CEP128: variants seen among roughly 807,000 people sequenced by gnomAD.
The protein encoded by CEP128 is centrosomal protein 128.
CEP128 carries 132 observed loss-of-function variants against 156.7 expected under a neutral mutation model. That is an observed-to-expected ratio of 0.84 (90% confidence interval 0.73 to 0.97). The LOEUF is 0.97. Among genes scored for constraint, CEP128 ranks in the 50% least tolerant of loss-of-function variants. The pLI is 0.00. For synonymous variants in CEP128, 469 were observed against 448.9 expected (o/e 1.04, Z -0.57); for missense variants, 1,252 against 1,281.9 (o/e 0.98, Z 0.36).
At chr14:80,574,017 G>A (rs1291490530) in intron 20 of CEP128, among the ~76,000 whole-genome samples, 3 of 152,130 alleles carry the variant, frequency 2.0e-5, no homozygotes, top group African/African-American at 7.2e-5. Flanking sequence ...GAATACGTGG[G>A]TATGCATTAC....
At chr14:80,534,820 G>A (rs1251114731) in intron 21 of CEP128, among the ~76,000 whole-genome samples, 5 of 73,344 alleles carry the variant, frequency 6.8e-5, no homozygotes, top group African/African-American at 2.4e-4. Flanking sequence ...GCAAGATTCC[G>A]TCTCAAAAAA....
At chr14:80,568,706 G>C (rs1204039277) in intron 20 of CEP128, among the ~76,000 whole-genome samples, 1 of 152,140 alleles carries the variant, frequency 6.6e-6, no homozygotes, top group African/African-American at 2.4e-5. Context: ...ACACACACGC[G>C]CAGGTAAGAA....
intron 16 of CEP128, among the ~76,000 whole-genome samples, chr14:80,767,917 T>C (rs936417062): frequency 6.6e-6 from 1 of 152,128 alleles, no homozygotes; most frequent in African/African-American, 2.4e-5. Context: ...TCTATGTCTG[T>C]CTCCTCATCA....
chr14:80,487,560 C>A (rs1005819084), downstream of CEP128, among the ~76,000 whole-genome samples: 2 of 152,168 alleles, frequency 1.3e-5, no homozygotes, highest in African/African-American at 4.8e-5. Flanking sequence ...CACCCCAAAT[C>A]AACAGAATAT....
intron 19 of CEP128, among the ~76,000 whole-genome samples, chr14:80,680,439 G>T (rs1896273969): frequency 6.6e-6 from 1 of 152,058 alleles, no homozygotes; most frequent in African/African-American, 2.4e-5. Flanking sequence ...AGATCTCCAG[G>T]TATTCAGAGT....
downstream of CEP128, among the ~76,000 whole-genome samples, chr14:80,495,732 G>A (rs928191585): frequency 3.3e-5 from 5 of 151,958 alleles, no homozygotes; most frequent in Admixed American, 6.6e-5. Flanking sequence ...TGAAGAGAAT[G>A]GATGCATGAA....
rs777201166 is a variant in CEP128, at chr14:80,504,919, G to C, written c.3174C>G (p.Tyr1058Ter). 2 of 1,440,080 alleles carry C rather than the reference G, an allele frequency of 1.4e-6. No individual in the cohort carries two copies. The highest frequency in any genetic ancestry group is 3.7e-5 in the Admixed American group (2 of 54,762). The allele number at this position is 1,440,080 out of a possible 1,614,324, so 89.2% of individuals were successfully genotyped here. A position where few individuals can be genotyped will look rare whatever the true frequency, so the allele number is the denominator to read the frequency against. The stretch of plus-strand genomic sequence containing the variant: ...CAAGACTTCATTACTTACAGTTCAC[G>C]TATGAAAATCTTGGACTAGACAGGA... ...SRFLSSPRFS[Y>*]VNSFTKRTVA... is the part of the protein sequence containing the mutation. Residue 1058 changes from tyrosine (Y) to a stop codon, truncating the protein, a stop_gained, in exon 24 of 25, where the codon TAC (tyrosine) becomes TAG (stop). Transcript: ENST00000555265. LOFTEE classifies it high-confidence loss of function.
chr14:80,920,876 G>C (rs1884823370), intron 2 of CEP128, among the ~76,000 whole-genome samples: 1 of 152,126 alleles, frequency 6.6e-6, no homozygotes, highest in African/African-American at 2.4e-5. Context: ...CAGGTAATAA[G>C]TATCAAGAAG....
chr14:80,816,310 A>C (rs1884854411), intron 13 of CEP128, among the ~76,000 whole-genome samples: 1 of 152,108 alleles, frequency 6.6e-6, no homozygotes, highest in Non-Finnish European at 1.5e-5. Flanking sequence ...ATTCACCCAC[A>C]GAGCGGCAGG....
chr14:80,850,243 AACAG>A (rs1886821135), intron 9 of CEP128, among the ~76,000 whole-genome samples: 1 of 152,214 alleles, frequency 6.6e-6, no homozygotes, highest in Non-Finnish European at 1.5e-5. Flanking sequence ...AATTTGTAAT[AACAG>A]ACAGTTAATT....
At chr14:80,525,935 G>A (rs1888954760) in intron 23 of CEP128, among the ~76,000 whole-genome samples, 1 of 152,064 alleles carries the variant, frequency 6.6e-6, no homozygotes, top group South Asian at 2.1e-4. Flanking sequence ...TATATACAGT[G>A]TAATGAATAT....
intron 2 of CEP128, chr14:80,957,928 C>T (rs1461835755): frequency 6.6e-6 from 1 of 152,016 alleles, no homozygotes; most frequent in Non-Finnish European, 1.5e-5. Context: ...GGAGGATCTG[C>T]CCTTGAGAAT....
At chr14:80,836,826 T>C (rs1472263606) in intron 11 of CEP128, among the ~76,000 whole-genome samples, 1 of 152,200 alleles carries the variant, frequency 6.6e-6, no homozygotes, top group Non-Finnish European at 1.5e-5. Context: ...TTTGTTTATC[T>C]TTCTATCCTT....
chr14:80,770,171 C>T (rs555488429), intron 16 of CEP128, among the ~76,000 whole-genome samples: 2 of 152,322 alleles, frequency 1.3e-5, no homozygotes, highest in Admixed American at 6.5e-5. Flanking sequence ...TCAATCAAGT[C>T]CAAGTCAGGA....
chr14:80,639,144 C>T (rs923086265), intron 19 of CEP128, among the ~76,000 whole-genome samples: 5 of 152,036 alleles, frequency 3.3e-5, no homozygotes, highest in Middle Eastern at 3.2e-3. Context: ...ATATTATATT[C>T]TTTATTCTAT....
intron 8 of CEP128, among the ~76,000 whole-genome samples, chr14:80,882,263 A>T (rs1056538610): frequency 9.2e-5 from 14 of 152,156 alleles, no homozygotes; most frequent in African/African-American, 3.4e-4. Flanking sequence ...AATGGGAAAA[A>T]TAGCTCAATA....
chr14:80,680,492 C>G (rs1180746974), intron 19 of CEP128, among the ~76,000 whole-genome samples: 1 of 152,144 alleles, frequency 6.6e-6, no homozygotes, highest in Non-Finnish European at 1.5e-5. Context: ...CCCATCCTTC[C>G]TGGACATATA....
intron 19 of CEP128, among the ~76,000 whole-genome samples, chr14:80,681,896 G>A (rs548159707): frequency 7.9e-5 from 12 of 152,196 alleles, no homozygotes; most frequent in Non-Finnish European, 1.6e-4. Flanking sequence ...TTGAGGGCAG[G>A]ATTTTGAGAC....
intron 19 of CEP128, among the ~76,000 whole-genome samples, chr14:80,649,158 A>T (rs1188836710): frequency 6.6e-6 from 1 of 152,142 alleles, no homozygotes; most frequent in African/African-American, 2.4e-5. Context: ...GAACATGAAC[A>T]GGAGTGGGGA....
Sources: gnomAD v4.1 joint callset for allele counts (sites outside exome capture counted in the v4.1 genomes callset) on GRCh38, gnomAD v4.1.1 for gene constraint, MANE v1.5 for transcripts, NCBI Gene and HGNC (gene_info 2026-07-23, HGNC 2026-07-21) for gene names.